SLAIN1: variants seen among roughly 807,000 people sequenced by gnomAD.
SLAIN1 encodes the protein SLAIN motif-containing protein 1.
SLAIN1 carries 17 observed loss-of-function variants against 55.4 expected under a neutral mutation model. The ratio of observed to expected loss-of-function variants is 0.31; its 90% CI spans 0.21 to 0.46. The LOEUF (loss-of-function observed/expected upper bound fraction) is 0.46, where lower values mean the gene tolerates loss of function less well. SLAIN1 is among the 20% of genes least tolerant of loss of function. The probability of loss-of-function intolerance (pLI) is 1.00; values close to 1 mark genes in which losing one functional copy is unlikely to be tolerated. For synonymous variants in SLAIN1, 348 were observed against 337.4 expected, an observed-to-expected ratio of 1.03 and a Z score of -0.35; for missense variants, 682 against 785.1, an observed-to-expected ratio of 0.87 and a Z score of 1.57.
intron 2 of SLAIN1, among the ~76,000 whole-genome samples, chr13:77,724,002 C>T (rs1342837427): frequency 6.6e-6 from 1 of 151,720 alleles, no homozygotes; most frequent in African/African-American, 2.4e-5. Context: ...TACCAGGTAC[C>T]ATTGTAGGTG....
chr13:77,752,545 T>C (rs532840386), intron 4 of SLAIN1, among the ~76,000 whole-genome samples: 1 of 152,220 alleles, frequency 6.6e-6, no homozygotes, highest in South Asian at 2.1e-4. Flanking sequence ...GGGGCATTGA[T>C]TAAGGAGTAT....
At position 77,761,027 on chromosome 13, in the gene SLAIN1, G is replaced by T. The variant is rs376134277; in HGVS notation, c.1614G>T (p.Met538Ile). 9.9e-6 allele frequency: 16 copies of T among 1,614,104 alleles called. No homozygotes were observed. Among genetic ancestry groups the T allele is most frequent in the Non-Finnish European group, 1.3e-5 (15 of 1,180,032 alleles). The change falls in exon 6 of 7, where the codon ATG becomes ATT. Residue 538 changes from methionine (M) to isoleucine (I), a missense_variant. Physicochemically the swap from Met to Ile is conservative, Grantham distance 10. This residue lies in a region of SLAIN1 where 244 missense variants were observed against 295.2 expected (regional missense o/e 0.83). Coordinates refer to ENST00000418532, the MANE Select transcript of SLAIN1 (RefSeq NM_001242868.2). The stretch of plus-strand genomic sequence containing the variant: ...ACAAAGCTGCAGCTTCTGGGATAAT[G>T]GGTCGCAGTGCACTCCCAAGACCTT... ...TPNKAAASGIMGRSALPRPSL... is the reference protein window; with the variant it reads ...TPNKAAASGIIGRSALPRPSL...
rs951878489 is a variant in SLAIN1, at chr13:77,698,619, C to G, written c.626+80C>G. On this transcript the variant is annotated intron_variant, in intron 1 of 6. Transcript: ENST00000418532. The surrounding 1 kb of genome is among the most constrained non-coding windows in gnomAD (Gnocchi z 4.1). Reference sequence around the variant, plus strand: ...CCGGGGAGCGGGGGCGGGGGGCGGACGGGGGTCCCCTCGCGGCAGCCGGGG... The same window carrying G: ...CCGGGGAGCGGGGGCGGGGGGCGGAGGGGGGTCCCCTCGCGGCAGCCGGGG... 38 of 1,321,992 alleles carry G rather than the reference C, an allele frequency of 2.9e-5. No individual in the cohort carries two copies. The Admixed American group carries it at 1.0e-3, about 36-fold the overall frequency. The allele number at this position is 1,321,992 out of a possible 1,614,324, so 81.9% of individuals were successfully genotyped here. A position where few individuals can be genotyped will look rare whatever the true frequency, so the allele number is the denominator to read the frequency against.
Position 77,712,769 on chromosome 13 carries a change from A to G in SLAIN1, c.627-6763A>G, listed in dbSNP as rs557795407. Among the ~76,000 whole-genome samples, 4 of 152,248 alleles carry G rather than the reference A, an allele frequency of 2.6e-5. No homozygotes were observed. In the East Asian group the frequency reaches 7.7e-4, roughly 29 times the overall value. On this transcript the variant is annotated intron_variant, in intron 1 of 6. Transcript: ENST00000418532. ...ATAGCCAAGACAATCCTAAGCAAAA[A>G]GAACAAAGCTGGAGGTATCATGCTA...
chr13:77,729,722 A>T (rs191989885), intron 2 of SLAIN1, among the ~76,000 whole-genome samples: 1 of 152,274 alleles, frequency 6.6e-6, no homozygotes, highest in East Asian at 1.9e-4. Flanking sequence ...CCTTGGGAAC[A>T]TGCATTCTGA....
chr13:77,752,168 T>C (rs1874263433), intron 4 of SLAIN1, among the ~76,000 whole-genome samples: 1 of 152,186 alleles, frequency 6.6e-6, no homozygotes, highest in Admixed American at 6.6e-5. Flanking sequence ...ATTAATGTGG[T>C]CATGTTAATG....
At chr13:77,707,983 G>C (rs1594251675) in intron 1 of SLAIN1, among the ~76,000 whole-genome samples, 1 of 152,230 alleles carries the variant, frequency 6.6e-6, no homozygotes, top group East Asian at 1.9e-4. Flanking sequence ...ACTTTCAACT[G>C]GATTCACTGC....
chr13:77,750,528 C>T (rs1302689319), intron 4 of SLAIN1, among the ~76,000 whole-genome samples: 3 of 152,128 alleles, frequency 2.0e-5, no homozygotes, highest in East Asian at 3.9e-4. Flanking sequence ...CCTTCTAATT[C>T]CTCCCTTCTT....
intron 5 of SLAIN1, among the ~76,000 whole-genome samples, chr13:77,759,436 A>G (rs532718236): frequency 2.0e-5 from 3 of 152,154 alleles, no homozygotes; most frequent in East Asian, 1.9e-4. Flanking sequence ...TTTCTCTTCT[A>G]TAAGTACTCT....
chr13:77,730,396 A>G (rs1203688834), intron 2 of SLAIN1, among the ~76,000 whole-genome samples: 1 of 152,132 alleles, frequency 6.6e-6, no homozygotes, highest in Non-Finnish European at 1.5e-5. Context: ...GTTAGGCTTT[A>G]GCAATTTTTA....
At chr13:77,751,272 C>T (rs890167526) in intron 4 of SLAIN1, among the ~76,000 whole-genome samples, 6 of 152,028 alleles carry the variant, frequency 3.9e-5, no homozygotes, top group Non-Finnish European at 5.9e-5. Flanking sequence ...TATGATCTTC[C>T]ATGGTTTACC....
rs1594285680 is a variant in SLAIN1 at position 77,744,596 on chromosome 13, T to C, written c.916+164T>C. On this transcript the variant is annotated intron_variant, in intron 3 of 6. Coordinates refer to ENST00000418532, the MANE Select transcript of SLAIN1 (RefSeq NM_001242868.2). ...AGCCAGTTATATGCTTCTCACACTA[T>C]CATGAGGTGGTAGGACTTAGTCTGA... 4 of 1,032,386 alleles carry C rather than the reference T, an allele frequency of 3.9e-6. No individual in the cohort carries two copies. In the South Asian group the frequency reaches 4.5e-5, roughly 11 times the overall value. 64.0% of individuals were successfully genotyped at this position (1,032,386 alleles called of 1,614,324 possible). A position where few individuals can be genotyped will look rare whatever the true frequency, so the allele number is the denominator to read the frequency against.
chr13:77,702,729 C>T (rs2091043529), intron 1 of SLAIN1, among the ~76,000 whole-genome samples: 1 of 151,652 alleles, frequency 6.6e-6, no homozygotes, highest in Admixed American at 6.6e-5. Flanking sequence ...TTTTTTTCCC[C>T]AGAGCTAGCT....
chr13:77,703,180 C>T (rs760596983), intron 1 of SLAIN1, among the ~76,000 whole-genome samples: 3 of 152,114 alleles, frequency 2.0e-5, no homozygotes, highest in Non-Finnish European at 4.4e-5. Context: ...GGATTTTTAA[C>T]TTTCCCAACT....
At chr13:77,729,405 G>A (rs2091336498) in intron 2 of SLAIN1, among the ~76,000 whole-genome samples, 1 of 151,720 alleles carries the variant, frequency 6.6e-6, no homozygotes, top group South Asian at 2.1e-4. Context: ...TCTCCACCAA[G>A]GAAAAAATAA....
Position 77,763,206 on chromosome 13 carries a change from G to T in SLAIN1, c.1759G>T (p.Asp587Tyr). 6.2e-7 allele frequency: 1 copy of T among 1,613,972 alleles called. No individual in the cohort carries two copies. The highest frequency in any genetic ancestry group is 8.5e-7 in the Non-Finnish European group (1 of 1,179,834). The change falls in exon 7 of 7, where the codon GAT becomes TAT. Residue 587 changes from aspartate (D) to tyrosine (Y), a missense_variant. Physicochemically the swap from Asp to Tyr is radical, Grantham distance 160. This residue lies in a region of SLAIN1 where 244 missense variants were observed against 295.2 expected (regional missense o/e 0.83). Transcript: ENST00000418532. The stretch of plus-strand genomic sequence containing the variant: ...CACTCTGAGGGATGGAAATTGGAGA[G>T]ATGGTTGCTACTAATGCAGTTTTAT... Reference protein sequence around the residue: ...LSTLRDGNWRDGCY With the variant: ...LSTLRDGNWRYGCY
At chr13:77,720,674 T>C (rs539703539) in intron 2 of SLAIN1, among the ~76,000 whole-genome samples, 1 of 152,264 alleles carries the variant, frequency 6.6e-6, no homozygotes, top group African/African-American at 2.4e-5. Flanking sequence ...ATACGAAGTT[T>C]AGAGAAGTTC....
chr13:77,731,928 G>A (rs941143629), intron 2 of SLAIN1, among the ~76,000 whole-genome samples: 2 of 152,016 alleles, frequency 1.3e-5, no homozygotes, highest in African/African-American at 4.8e-5. Flanking sequence ...AGTGGGCCTG[G>A]GTGGGGAAGG....
At chr13:77,753,465 A>G in intron 5 of SLAIN1, 107 bp downstream of exon 5, 1 of 639,112 alleles carries the variant, frequency 1.6e-6, no homozygotes, top group South Asian at 7.6e-5. Flanking sequence ...TTTACTTGAA[A>G]GAACACTAAA....
Sources: allele counts gnomAD v4.1 joint callset (sites outside exome capture counted in the v4.1 genomes callset), GRCh38; gene constraint gnomAD v4.1.1; regional missense constraint gnomAD v4.1.1; non-coding constraint Gnocchi (gnomAD v3.1); transcripts MANE v1.5; gene names NCBI Gene and HGNC (gene_info 2026-07-23, HGNC 2026-07-21).